CSPG4: variants seen among roughly 807,000 people sequenced by gnomAD.
The protein encoded by CSPG4 is chondroitin sulfate proteoglycan 4.
Under a neutral mutation model 139.3 loss-of-function variants are expected in CSPG4, and 74 were observed. That is an observed-to-expected ratio of 0.53 (90% CI 0.44 to 0.64). The LOEUF (loss-of-function observed/expected upper bound fraction) is 0.64. CSPG4 is among the 30% of genes least tolerant of loss of function. The probability of loss-of-function intolerance (pLI) is 0.00; values close to 1 mark genes in which losing one functional copy is unlikely to be tolerated. For synonymous variants in CSPG4, 1,234 were observed against 1,394.2 expected (o/e 0.89, Z 2.56); for missense variants, 2,565 against 3,148.3 (o/e 0.81, Z 4.43).
rs1894148381 is a variant in CSPG4 at position 75,690,433 on chromosome 15, G to C, written c.632C>G (p.Ser211Cys). 1 of 1,607,880 alleles carries C rather than the reference G, an allele frequency of 6.2e-7. No homozygotes were observed. Among genetic ancestry groups the C allele is most frequent in the Non-Finnish European group, 8.5e-7 (1 of 1,177,488 alleles). The change falls in exon 3 of 10, where the codon TCT (serine) becomes TGT (cysteine). Residue 211 changes from serine to cysteine, a missense_variant. Transcript: ENST00000308508. ...DVALGFSGPH[S>C]LAAFPAWGTQ... ...GCCCCAGGCAGGGAAGGCAGCCAGA[G>C]AGTGGGGCCCAGAGAAGCCCAGGGC...
In CSPG4 at chr15:75,689,858, G is replaced by T. The variant is rs746980574; in HGVS notation, c.1207C>A (p.Pro403Thr). ...AGCTCCATGGCTGGCCAAGCCTCAGGGGCCAGGGTGGAGAAAGCTTCATAA... is the reference window on the plus strand; with the variant it reads ...AGCTCCATGGCTGGCCAAGCCTCAGTGGCCAGGGTGGAGAAAGCTTCATAA... Reference protein sequence around the residue: ...GHYEAFSTLAPEAWPAMELPE... With the variant: ...GHYEAFSTLATEAWPAMELPE... The change falls in exon 3 of 10, where the codon CCT becomes ACT. Residue 403 changes from proline to threonine, a missense_variant. Around this residue, in one of 5 missense-constraint regions of CSPG4, gnomAD observed 2,316 missense variants for 2,818.2 expected, o/e 0.82. Transcript: ENST00000308508. 2 of 1,612,482 alleles carry T rather than the reference G, an allele frequency of 1.2e-6. No individual in the cohort carries two copies. Among genetic ancestry groups the T allele is most frequent in the Admixed American group, 1.7e-5 (1 of 60,008 alleles).
chr15:75,675,890 G>A lies in CSPG4; in HGVS notation c.6629C>T (p.Ala2210Val). The change falls in exon 10 of 10, where the codon GCC becomes GTC. Residue 2210 changes from alanine to valine, a missense_variant. Physicochemically the swap from Ala to Val is moderately conservative, Grantham distance 64. This residue lies in a region of CSPG4 where 2,316 missense variants were observed against 2,818.2 expected (regional missense o/e 0.82). Coordinates refer to ENST00000308508, the MANE Select transcript of CSPG4 (RefSeq NM_001897.5). ...AAGGAAGCTCAGGAAGCCTCCCTTG[G>A]CCACAGCGGGCTCAGGGCTGGATGC... is the stretch of plus-strand genomic sequence containing the variant. Reference protein sequence around the residue: ...PMASSPEPAVAKGGFLSFLEA... With the variant: ...PMASSPEPAVVKGGFLSFLEA... The A allele has an allele frequency of 1.2e-6, 2 of 1,604,838 alleles. No homozygotes were observed. The highest frequency in any genetic ancestry group is 1.7e-6 in the Non-Finnish European group (2 of 1,179,878).
intron 1 of CSPG4, among the ~76,000 whole-genome samples, chr15:75,707,249 G>T (rs972817490): frequency 6.6e-6 from 1 of 152,080 alleles, no homozygotes; most frequent in Non-Finnish European, 1.5e-5. Flanking sequence ...GAGCCACCGC[G>T]CCTGGCCTCC....
In CSPG4 at chr15:75,677,736, G is replaced by A; in HGVS notation, c.5101C>T (p.Pro1701Ser). The A allele has an allele frequency of 6.2e-7, 1 of 1,608,130 alleles. No individual in the cohort carries two copies. The highest frequency in any genetic ancestry group is 8.5e-7 in the Non-Finnish European group (1 of 1,177,554). ...AVAVSFEAAC[P>S]QRPSHLWKNK... ...TTCCAGAGGTGGCTGGGGCGCTGGG[G>A]ACAGGCAGCCTCAAAAGACACAGCC... The change falls in exon 9 of 10, where the codon CCC becomes TCC. Residue 1701 changes from proline to serine, a missense_variant. Physicochemically the swap from Pro to Ser is moderately conservative, Grantham distance 74. Transcript: ENST00000308508.
rs866266694 is a variant in CSPG4, at chr15:75,689,070, G to A, written c.1995C>T (p.Ile665=). The change falls in exon 3 of 10, where the codon ATC becomes ATT. Residue 665 remains isoleucine, a synonymous_variant. Transcript: ENST00000308508. ...KVVAIRPAIQ[I]HRSTGLRLAQ... ...CCAGTCGCAACCCTGTGCTGCGGTG[G>A]ATCTGTATGGCCGGCCGGATGGCCA... 4 of 1,609,182 alleles carry A rather than the reference G, an allele frequency of 2.5e-6. No individual in the cohort carries two copies. Among genetic ancestry groups the A allele is most frequent in the Non-Finnish European group, 3.4e-6 (4 of 1,178,438 alleles).
chr15:75,688,123 T>A lies in CSPG4; in HGVS notation c.2942A>T (p.Glu981Val), dbSNP rs1405486700. Reference protein sequence around the residue: ...VYQHDDSETTEDDIPFVATRQ... With the variant: ...VYQHDDSETTVDDIPFVATRQ... ...GGTAGCAACAAATGGGATATCATCT[T>A]CTGTGGTCTCGGAGTCATCATGCTG... is the stretch of plus-strand genomic sequence containing the variant. Residue 981 changes from glutamate (E) to valine (V), a missense_variant, in exon 3 of 10, where the codon GAA becomes GTA. By Grantham distance (121) the Glu-to-Val change is moderately radical. Coordinates refer to ENST00000308508, the MANE Select transcript of CSPG4 (RefSeq NM_001897.5). The A allele has an allele frequency of 1.9e-6, 3 of 1,612,694 alleles. No homozygotes were observed. Among genetic ancestry groups the A allele is most frequent in the Admixed American group, 3.3e-5 (2 of 59,998 alleles).
chr15:75,705,478 A>G (rs886661837), intron 1 of CSPG4, among the ~76,000 whole-genome samples: 2 of 152,258 alleles, frequency 1.3e-5, no homozygotes, highest in Non-Finnish European at 2.9e-5. Context: ...TCCACCGAGC[A>G]TTGATTCCAG....
chr15:75,682,155 G>T (rs1944204525), intron 8 of CSPG4, 138 bp downstream of exon 8: 1 of 1,125,860 alleles, frequency 8.9e-7, no homozygotes, highest in African/African-American at 1.5e-5. Context: ...GGACACTAGC[G>T]CCTGGACAAT....
In CSPG4 at chr15:75,698,426, C is replaced by T. The variant is rs985087129; in HGVS notation, c.89-5193G>A. 3.9e-5 allele frequency among the ~76,000 whole-genome samples: 6 copies of T among 152,110 alleles called. No homozygotes were observed. The highest frequency in any genetic ancestry group is 8.8e-5 in the Non-Finnish European group (6 of 67,976). ...AGCAGCGGACCCTCCCTGAGGTCAC[C>T]TGGCCCTCTAGACCTCAGGTCAGTT... On this transcript the variant is annotated intron_variant, in intron 1 of 9. Coordinates refer to ENST00000308508, the MANE Select transcript of CSPG4 (RefSeq NM_001897.5). The surrounding 1 kb of genome is among the most constrained non-coding windows in gnomAD (Gnocchi z 4.3).
In CSPG4 at chr15:75,687,909, A is replaced by G; in HGVS notation, c.3156T>C (p.Ala1052=). Residue 1052 remains alanine, a synonymous_variant, in exon 3 of 10, where the codon GCT becomes GCC. Transcript: ENST00000308508. This position sits in a 1 kb window ranked among gnomAD's most constrained non-coding sequence, Gnocchi z 5.4. ...TGCGGGTAAGCACCAGCTGGGCGTC[A>G]GCAAAGCCCGAGTCAGCATCGCTGA... ...VAFSDADSGF[A]DAQLVLTRKD... is the part of the protein sequence containing the mutation. 6.2e-7 allele frequency: 1 copy of G among 1,612,982 alleles called. No homozygotes were observed. The highest frequency in any genetic ancestry group is 1.3e-5 in the African/African-American group (1 of 75,076).
chr15:75,699,178 A>G (rs997496480), intron 1 of CSPG4, among the ~76,000 whole-genome samples: 2 of 152,180 alleles, frequency 1.3e-5, no homozygotes, highest in Non-Finnish European at 2.9e-5. Flanking sequence ...TCATCTCAGG[A>G]GACACTGCTT....
rs1314171701 is a variant in CSPG4, at chr15:75,688,364, C to T, written c.2701G>A (p.Val901Ile). ...IHIGGDPDAP[V>I]LTNVLLVVPE... ...ACCACGAGGAGGACATTGGTGAGGA[C>T]AGGCGCATCTGGGTCACCACCAATG... The change falls in exon 3 of 10, where the codon GTC becomes ATC. Residue 901 changes from valine (V) to isoleucine (I), a missense_variant. This residue lies in a region of CSPG4 where 2,316 missense variants were observed against 2,818.2 expected (regional missense o/e 0.82). Coordinates refer to ENST00000308508, the MANE Select transcript of CSPG4 (RefSeq NM_001897.5). The T allele has an allele frequency of 6.2e-7, 1 of 1,613,378 alleles. No homozygotes were observed. The highest frequency in any genetic ancestry group is 1.7e-5 in the Admixed American group (1 of 60,034).
chr15:75,699,076 G>A (rs751546792), intron 1 of CSPG4, among the ~76,000 whole-genome samples: 1 of 152,106 alleles, frequency 6.6e-6, no homozygotes, highest in Non-Finnish European at 1.5e-5. Context: ...CGCGGCCCAA[G>A]GACTGCCTGC....
intron 8 of CSPG4, chr15:75,679,872 G>C (rs1432570869): frequency 3.3e-5 from 5 of 152,204 alleles, no homozygotes; most frequent in African/African-American, 4.8e-5. Context: ...TTTTAGTAGA[G>C]ATGGGGTTTC....
In CSPG4 at chr15:75,687,740, C is replaced by T. The variant is rs758235057; in HGVS notation, c.3325G>A (p.Asp1109Asn). The change falls in exon 3 of 10, where the codon GAC (aspartate) becomes AAC (asparagine). Residue 1109 changes from aspartate to asparagine, a missense_variant. Physicochemically the swap from Asp to Asn is conservative, Grantham distance 23. Transcript: ENST00000308508. The surrounding 1 kb of genome is among the most constrained non-coding windows in gnomAD (Gnocchi z 5.4). ...AGCGCAGTGGCCTGGTGTTGCCCGTCGGACACCTGCAGCTGGATCCAGCCA... is the reference window on the plus strand; with the variant it reads ...AGCGCAGTGGCCTGGTGTTGCCCGTTGGACACCTGCAGCTGGATCCAGCCA... ...DRGWIQLQVSDGQHQATALLE... is the reference protein window; with the variant it reads ...DRGWIQLQVSNGQHQATALLE... 24 of 1,612,816 alleles carry T rather than the reference C, an allele frequency of 1.5e-5. No individual in the cohort carries two copies. Among genetic ancestry groups the T allele is most frequent in the Middle Eastern group, 1.6e-4 (1 of 6,084 alleles).
Position 75,698,035 on chromosome 15 carries a change from A to G in CSPG4, c.89-4802T>C, listed in dbSNP as rs1344137825. ...GAAGGAGACGGAGGAGGAAAACTCG[A>G]GGGAGACAGAGAAGGCGGGATGTTG... On this transcript the variant is annotated intron_variant, in intron 1 of 9. Coordinates refer to ENST00000308508, the MANE Select transcript of CSPG4 (RefSeq NM_001897.5). This position sits in a 1 kb window ranked among gnomAD's most constrained non-coding sequence, Gnocchi z 4.3. Among the ~76,000 whole-genome samples, 1 of 152,196 alleles carries G rather than the reference A, an allele frequency of 6.6e-6. No individual in the cohort carries two copies. The highest frequency in any genetic ancestry group is 2.4e-5 in the African/African-American group (1 of 41,438).
chr15:75,705,376 C>T (rs989277203), intron 1 of CSPG4, among the ~76,000 whole-genome samples: 4 of 152,232 alleles, frequency 2.6e-5, no homozygotes, highest in African/African-American at 9.6e-5. Context: ...CTTCCTTAAA[C>T]ACTCCTAAGC....
In CSPG4 at chr15:75,676,962, G is replaced by C; in HGVS notation, c.5557C>G (p.Arg1853Gly). Residue 1853 changes from arginine to glycine, a missense_variant, in exon 10 of 10, where the codon CGG becomes GGG. This residue lies in a region of CSPG4 where 2,316 missense variants were observed against 2,818.2 expected (regional missense o/e 0.82). Transcript: ENST00000308508. ...GGGTCCACCACACTCAGCTGGGCCC[G>C]GGAGATGGGGGCACGAGAGCCTCGG... Reference protein sequence around the residue: ...LTRGSRAPISRAQLSVVDPDS... With the variant: ...LTRGSRAPISGAQLSVVDPDS... The C allele has an allele frequency of 3.3e-6, 5 of 1,501,070 alleles. No individual in the cohort carries two copies. Among genetic ancestry groups the C allele is most frequent in the Non-Finnish European group, 4.5e-6 (5 of 1,120,420 alleles). The allele number at this position is 1,501,070 out of a possible 1,614,324, so 93.0% of individuals were successfully genotyped here. A position where few individuals can be genotyped will look rare whatever the true frequency, so the allele number is the denominator to read the frequency against.
chr15:75,678,567 TG>T (rs1425602911), intron 8 of CSPG4: 4 of 445,216 alleles, frequency 9.0e-6, no homozygotes, highest in Non-Finnish European at 4.6e-6. Context: ...TTGCCCAGGC[TG>T]GTCTTGAACT....
Sources: gnomAD v4.1 joint callset for allele counts (sites outside exome capture counted in the v4.1 genomes callset) on GRCh38, gnomAD v4.1.1 for gene constraint, gnomAD v4.1.1 regional missense constraint, Gnocchi (gnomAD v3.1) non-coding constraint, MANE v1.5 for transcripts, NCBI Gene and HGNC (gene_info 2026-07-23, HGNC 2026-07-21) for gene names.